AKAP13: variants seen among roughly 807,000 people sequenced by gnomAD.
AKAP13 encodes the protein A-kinase anchor protein 13.
Under a neutral mutation model 264.5 loss-of-function variants are expected in AKAP13, and 80 were observed. The observed-to-expected ratio is 0.30, with a 90% CI of 0.25 to 0.36. The LOEUF is 0.36. Among genes scored for constraint, AKAP13 ranks in the 10% least tolerant of loss-of-function variants. The pLI is 1.00. For synonymous variants in AKAP13, 1,380 were observed against 1,250.2 expected, an observed-to-expected ratio of 1.10 and a Z score of -2.19; for missense variants, 3,712 against 3,435.2, an observed-to-expected ratio of 1.08 and a Z score of -2.01.
intron 8 of AKAP13, among the ~76,000 whole-genome samples, chr15:85,628,004 T>G (rs937228321): frequency 1.3e-5 from 2 of 152,234 alleles, no homozygotes; most frequent in African/African-American, 4.8e-5. Flanking sequence ...GCAGGAATTA[T>G]TTTCATGCTG....
chr15:85,587,748 G>A (rs1467884646), intron 8 of AKAP13, among the ~76,000 whole-genome samples: 1 of 152,140 alleles, frequency 6.6e-6, no homozygotes, highest in Non-Finnish European at 1.5e-5. Context: ...CTGGGTTGAA[G>A]CGATTCTCTT....
intron 9 of AKAP13, among the ~76,000 whole-genome samples, chr15:85,641,821 T>C (rs951733543): frequency 1.3e-5 from 2 of 152,162 alleles, no homozygotes; most frequent in Non-Finnish European, 1.5e-5. Context: ...TCACTTTGTA[T>C]ACTCTTCAAT....
chr15:85,719,400 A>T, intron 23 of AKAP13, 74 bp downstream of exon 23: 1 of 1,539,280 alleles, frequency 6.5e-7, no homozygotes, highest in South Asian at 1.2e-5. Context: ...ACAGCCATGC[A>T]TTCACATCTT....
chr15:85,691,879 G>A (rs553862132), intron 16 of AKAP13: 33 of 489,616 alleles, frequency 6.7e-5, no homozygotes, highest in Non-Finnish European at 1.2e-4. Context: ...AGAGCACGGC[G>A]TAGGAAGCTT....
Position 85,409,210 on chromosome 15 carries a change from A to C in AKAP13, c.-12+28412A>C, listed in dbSNP as rs1022513726. On this transcript the variant is annotated intron_variant, in intron 1 of 36. Coordinates refer to ENST00000394518, the MANE Select transcript of AKAP13 (RefSeq NM_007200.5). ...AATTATTTTTTTGAGATGGAGTTTC[A>C]CTCGTCGCCTAGCCTGGAGTGCATA... is the stretch of plus-strand genomic sequence containing the variant. Among the ~76,000 whole-genome samples, 5 of 151,486 alleles carry C rather than the reference A, an allele frequency of 3.3e-5. No homozygotes were observed. In the South Asian group the frequency reaches 6.2e-4, roughly 19 times the overall value.
At chr15:85,534,015 G>T (rs2077315350) in intron 4 of AKAP13, 135 bp downstream of exon 4, 1 of 995,604 alleles carries the variant, frequency 1.0e-6, no homozygotes, top group South Asian at 1.8e-5. Context: ...ATTACTGTAG[G>T]AAAGTGGCCT....
intron 14 of AKAP13, among the ~76,000 whole-genome samples, chr15:85,670,354 AT>A: frequency 6.6e-6 from 1 of 151,874 alleles, no homozygotes; most frequent in Non-Finnish European, 1.5e-5. Context: ...ATATTGTCTT[AT>A]ATTACCATAG....
At position 85,642,297 on chromosome 15, in the gene AKAP13, G is replaced by A. The variant is rs1208149530; in HGVS notation, c.4237+2848G>A. Among the ~76,000 whole-genome samples the A allele has an allele frequency of 2.0e-5, 3 of 152,118 alleles. No individual in the cohort carries two copies. The East Asian group carries it at 5.8e-4, about 29-fold the overall frequency. On this transcript the variant is annotated intron_variant, in intron 9 of 36. Transcript: ENST00000394518. ...CTGTTATGGAAATGGCAACTGAGAG[G>A]GGTGAAATTACTTCTTGCCTGGAAT... is the stretch of plus-strand genomic sequence containing the variant.
In AKAP13 at chr15:85,727,703, C is replaced by G. The variant is rs1021531339; in HGVS notation, c.7087+240C>G. Among the ~76,000 whole-genome samples, 1 of 152,194 alleles carries G rather than the reference C, an allele frequency of 6.6e-6. No individual in the cohort carries two copies. Among genetic ancestry groups the G allele is most frequent in the Non-Finnish European group, 1.5e-5 (1 of 68,028 alleles). ...ACTGGATCAAGAGAATATTGATTCT[C>G]TTGACTCAGGATCCGTGTTCTCAAA... On this transcript the variant is annotated intron_variant, in intron 29 of 36. Transcript: ENST00000394518. The surrounding 1 kb of genome is among the most constrained non-coding windows in gnomAD (Gnocchi z 5.3).
At chr15:85,526,933 T>C (rs1343240167) in intron 3 of AKAP13, among the ~76,000 whole-genome samples, 2 of 151,098 alleles carry the variant, frequency 1.3e-5, no homozygotes, top group Non-Finnish European at 2.9e-5. Context: ...AAAAATCTGT[T>C]GTCTACTGTC....
chr15:85,738,497 T>C (rs1370615002), intron 33 of AKAP13, among the ~76,000 whole-genome samples: 2 of 152,308 alleles, frequency 1.3e-5, no homozygotes, highest in East Asian at 3.9e-4. Flanking sequence ...AAGGAATACA[T>C]GTTCATGGTA....
intron 17 of AKAP13, 125 bp from the exon 18 acceptor site, chr15:85,707,894 G>A (rs2086398451): frequency 3.5e-6 from 3 of 864,042 alleles, no homozygotes; most frequent in East Asian, 2.5e-5. Flanking sequence ...TGTAATTTCA[G>A]TCACATTCTC....
At chr15:85,673,810 C>T (rs1345666071) in intron 14 of AKAP13, among the ~76,000 whole-genome samples, 4 of 150,612 alleles carry the variant, frequency 2.7e-5, no homozygotes, top group Non-Finnish European at 4.4e-5. Context: ...CTCAACCTCC[C>T]GAGTAGCTGG....
chr15:85,663,606 C>A (rs1469102226), intron 12 of AKAP13, among the ~76,000 whole-genome samples: 2 of 152,186 alleles, frequency 1.3e-5, no homozygotes, highest in Non-Finnish European at 2.9e-5. Flanking sequence ...AGTATACCTT[C>A]AGATTGAATT....
At chr15:85,528,154 G>A (rs140667431) in intron 3 of AKAP13, among the ~76,000 whole-genome samples, 468 of 152,234 alleles carry the variant, frequency 3.1e-3, no homozygotes, top group African/African-American at 0.01. Flanking sequence ...CCATGGGTGC[G>A]GTGCTCCATA....
intron 5 of AKAP13, among the ~76,000 whole-genome samples, chr15:85,544,327 TA>T (rs1426071401): frequency 6.6e-6 from 1 of 152,366 alleles, no homozygotes; most frequent in East Asian, 1.9e-4. Context: ...CTATATCATA[TA>T]TTTTTTTCTG....
intron 2 of AKAP13, among the ~76,000 whole-genome samples, chr15:85,492,749 A>C (rs912977501): frequency 7.9e-5 from 12 of 152,178 alleles, no homozygotes; most frequent in Admixed American, 7.9e-4. Flanking sequence ...AACACATTAT[A>C]TCTCTTTAGT....
At position 85,726,255 on chromosome 15, in the gene AKAP13, A is replaced by G. The variant is rs1007638861; in HGVS notation, c.6746-155A>G. On this transcript the variant is annotated intron_variant, in intron 26 of 36. Transcript: ENST00000394518. Reference sequence around the variant, plus strand: ...GATCTGAATCCTGGAGAACTGTAAAACTGTTGCTTTGGAGGAGTGTGATCT... The same window carrying G: ...GATCTGAATCCTGGAGAACTGTAAAGCTGTTGCTTTGGAGGAGTGTGATCT... 4 of 544,498 alleles carry G rather than the reference A, an allele frequency of 7.3e-6. No homozygotes were observed. The African/African-American group carries it at 7.7e-5, about 10-fold the overall frequency. The allele number at this position is 544,498 out of a possible 1,614,324, so 33.7% of individuals were successfully genotyped here.
chr15:85,524,204 G>T (rs561888026), intron 3 of AKAP13, among the ~76,000 whole-genome samples: 1 of 124,418 alleles, frequency 8.0e-6, no homozygotes, highest in African/African-American at 3.2e-5. Context: ...CCAAGAAGGA[G>T]TCTTGCTCTG....
Sources: allele counts gnomAD v4.1 joint callset (sites outside exome capture counted in the v4.1 genomes callset), GRCh38; gene constraint gnomAD v4.1.1; non-coding constraint Gnocchi (gnomAD v3.1); transcripts MANE v1.5; gene names NCBI Gene and HGNC (gene_info 2026-07-23, HGNC 2026-07-21).